CNKSR2: variants seen among roughly 807,000 people sequenced by gnomAD.
CNKSR2 encodes CNK homolog protein 2.
In CNKSR2, 14 loss-of-function variants were observed where a neutral mutation model predicts 84.4. The observed-to-expected ratio is 0.17, with a 90% CI of 0.11 to 0.26. The LOEUF (loss-of-function observed/expected upper bound fraction) is 0.26, where lower values mean the gene tolerates loss of function less well. Ranked by LOEUF, CNKSR2 falls within the 10% of genes least tolerant of loss-of-function variation. The probability of loss-of-function intolerance (pLI) is 1.00; values close to 1 mark genes in which losing one functional copy is unlikely to be tolerated. For missense variants in CNKSR2, 485 were observed against 771.2 expected (o/e 0.63, Z 4.40); for synonymous variants, 275 against 277.9 (o/e 0.99, Z 0.10).
intron 1 of CNKSR2, among the ~76,000 whole-genome samples, chrX:21,403,125 G>T: frequency 9.1e-6 from 1 of 110,451 alleles, no homozygotes; most frequent in East Asian, 2.8e-4. Context: ...TTTTTACATT[G>T]GTATGTATTT....
At chrX:21,624,848 A>T (rs1266316546) in intron 20 of CNKSR2, among the ~76,000 whole-genome samples, 3 of 112,407 alleles carry the variant, frequency 2.7e-5, no homozygotes, top group Non-Finnish European at 5.6e-5. Flanking sequence ...CAGTTTCTAA[A>T]ATCAGAGATT....
intron 15 of CNKSR2, chrX:21,594,096 A>G (rs769568616): frequency 8.9e-6 from 1 of 112,419 alleles, no homozygotes; most frequent in East Asian, 2.8e-4. Flanking sequence ...GACAGATTGG[A>G]TAAAGAAAAT....
chrX:21,544,322 G>A (rs771783727), intron 11 of CNKSR2, among the ~76,000 whole-genome samples: 1 of 111,566 alleles, frequency 9.0e-6, no homozygotes, highest in East Asian at 2.8e-4. Context: ...TTAAGCTCCA[G>A]TATAAAAATC....
At chrX:21,401,416 A>G (rs2090189619) in intron 1 of CNKSR2, among the ~76,000 whole-genome samples, 1 of 112,124 alleles carries the variant, frequency 8.9e-6, no homozygotes, top group Admixed American at 9.4e-5. Context: ...AGCTACAAAG[A>G]TCTGGCTCTA....
At chrX:21,606,008 C>A (rs971321001) in intron 18 of CNKSR2, among the ~76,000 whole-genome samples, 8 of 111,959 alleles carry the variant, frequency 7.1e-5, no homozygotes, top group African/African-American at 2.3e-4. Context: ...CGATTATTAG[C>A]CCTTTTGCTG....
chrX:21,547,112 C>A (rs2147154884), intron 11 of CNKSR2, among the ~76,000 whole-genome samples: 1 of 111,226 alleles, frequency 9.0e-6, no homozygotes, highest in South Asian at 3.9e-4. Flanking sequence ...CTAAATGCCC[C>A]AATTAAAAGA....
rs976844338 is a variant in CNKSR2 at position 21,642,785 on chromosome X, C to A, written c.2693-6046C>A. On this transcript the variant is annotated intron_variant, in intron 20 of 21. Transcript: ENST00000379510. ...GCTAAGTATGCCTGATAGTAAATAT[C>A]TTTCTAAAAAGAAGTAATCAGTGCT... 1.3e-5 allele frequency: 9 copies of A among 716,948 alleles called. No individual in the cohort carries two copies. The African/African-American group carries it at 1.9e-4, about 15-fold the overall frequency. 59.1% of individuals were successfully genotyped at this position (716,948 alleles called of 1,213,427 possible).
chrX:21,561,203 A>G (rs915240095), intron 11 of CNKSR2, among the ~76,000 whole-genome samples: 1 of 107,829 alleles, frequency 9.3e-6, no homozygotes, highest in African/African-American at 3.3e-5. Context: ...AAAAAAAACT[A>G]TACCCTTAAA....
intron 17 of CNKSR2, among the ~76,000 whole-genome samples, chrX:21,599,590 C>G (rs1034748449): frequency 5.4e-5 from 6 of 111,274 alleles, no homozygotes; most frequent in African/African-American, 2.0e-4. Context: ...GTTTCGAACT[C>G]CTGAAATCAG....
At chrX:21,483,581 A>G (rs1449422718) in intron 5 of CNKSR2, among the ~76,000 whole-genome samples, 2 of 94,501 alleles carry the variant, frequency 2.1e-5, no homozygotes, top group Non-Finnish European at 4.0e-5. Flanking sequence ...CCTAGAACTT[A>G]AAGTATAATA....
At chrX:21,378,902 T>G (rs1307723431) in intron 1 of CNKSR2, among the ~76,000 whole-genome samples, 1 of 112,043 alleles carries the variant, frequency 8.9e-6, no homozygotes, top group Non-Finnish European at 1.9e-5. Flanking sequence ...TCTAAATTTT[T>G]AAGATAGCCT....
chrX:21,461,755 G>A (rs182674917), intron 4 of CNKSR2, among the ~76,000 whole-genome samples: 17 of 111,995 alleles, frequency 1.5e-4, no homozygotes, highest in African/African-American at 5.2e-4. Flanking sequence ...AATGCCCATG[G>A]ATATCCAGTT....
intron 1 of CNKSR2, among the ~76,000 whole-genome samples, chrX:21,402,205 C>G (rs2090200524): frequency 9.0e-6 from 1 of 110,938 alleles, no homozygotes; most frequent in African/African-American, 3.3e-5. Flanking sequence ...CTGCACAACT[C>G]TATATTGTGT....
chrX:21,563,417 A>G lies in CNKSR2; in HGVS notation c.1573A>G (p.Met525Val). The G allele has an allele frequency of 8.3e-7, 1 of 1,210,125 alleles. No individual in the cohort carries two copies. Among genetic ancestry groups the G allele is most frequent in the African/African-American group, 1.7e-5 (1 of 57,754 alleles). The change falls in exon 13 of 22, where the codon ATG becomes GTG. Residue 525 changes from methionine to valine, a missense_variant. Coordinates refer to ENST00000379510, the MANE Select transcript of CNKSR2 (RefSeq NM_014927.5). Reference protein sequence around the residue: ...LQMDALRQDIMGTPVPETTLY... With the variant: ...LQMDALRQDIVGTPVPETTLY... ...AATGGATGCACTGAGACAAGACATC[A>G]TGGGCACTCCTGTGCCAGAGACCAC...
rs183901485 is a variant in CNKSR2, at chrX:21,540,460, G to T, written c.1303+8393G>T. 1.5e-3 allele frequency among the ~76,000 whole-genome samples: 165 copies of T among 111,306 alleles called. No homozygotes were observed. The South Asian group carries it at 0.015, about 10-fold the overall frequency. ...ATAGTCCCATTACCTGGACTCCCAA[G>T]TGCGACAATATTATCTTGTATTTGA... On this transcript the variant is annotated intron_variant, in intron 11 of 21. Coordinates refer to ENST00000379510, the MANE Select transcript of CNKSR2 (RefSeq NM_014927.5).
chrX:21,409,265 TATATATA>T (rs2147005570), intron 1 of CNKSR2, among the ~76,000 whole-genome samples: 1 of 86,125 alleles, frequency 1.2e-5, no homozygotes, highest in Admixed American at 1.3e-4. Flanking sequence ...TATATATATA[TATATATA>T]TATATATGTC....
rs772107677 is a variant in CNKSR2, at chrX:21,652,832, T to G, written c.*311T>G. The G allele has an allele frequency of 8.5e-5, 15 of 176,026 alleles. No individual in the cohort carries two copies. Among genetic ancestry groups the G allele is most frequent in the African/African-American group, 4.2e-4 (14 of 33,485 alleles). 14.5% of individuals were successfully genotyped at this position (176,026 alleles called of 1,213,427 possible). On this transcript the variant is annotated 3_prime_UTR_variant, in exon 22 of 22. Coordinates refer to ENST00000379510, the MANE Select transcript of CNKSR2 (RefSeq NM_014927.5). ...TAAAACCACAAAAGGCAGTTTTCTA[T>G]CTATGGTCATCTTTTCTCCCTTTAA...
intron 1 of CNKSR2, among the ~76,000 whole-genome samples, chrX:21,389,506 G>A (rs1470322441): frequency 2.7e-5 from 3 of 111,606 alleles, no homozygotes; most frequent in African/African-American, 9.8e-5. Flanking sequence ...TTCAAATTTG[G>A]TAATACCAAA....
At chrX:21,609,765 T>TA in intron 20 of CNKSR2, 148 bp downstream of exon 20, 7 of 758,929 alleles carry the variant, frequency 9.2e-6, no homozygotes, top group Non-Finnish European at 1.3e-5. Context: ...CTTGGTGACC[T>TA]ACTTTCAGAA....
Sources: allele counts gnomAD v4.1 joint callset (sites outside exome capture counted in the v4.1 genomes callset), GRCh38; gene constraint gnomAD v4.1.1; transcripts MANE v1.5; gene names NCBI Gene and HGNC (gene_info 2026-07-23, HGNC 2026-07-21).